TCAIM: variants seen among roughly 807,000 people sequenced by gnomAD.
The protein encoded by TCAIM is T-cell activation inhibitor, mitochondrial.
TCAIM carries 36 observed loss-of-function variants against 58.6 expected under a neutral mutation model. The observed-to-expected ratio is 0.61, with a 90% CI of 0.47 to 0.81. The LOEUF (loss-of-function observed/expected upper bound fraction) is 0.81. TCAIM is among the 30% of genes least tolerant of loss of function. The pLI is 0.00. For missense variants in TCAIM, 466 were observed against 579.6 expected (o/e 0.80, Z 2.01); for synonymous variants, 172 against 193.6 (o/e 0.89, Z 0.93).
chr3:44,366,978 T>C (rs546662573), intron 4 of TCAIM, among the ~76,000 whole-genome samples: 6 of 152,310 alleles, frequency 3.9e-5, no homozygotes, highest in African/African-American at 7.2e-5. Context: ...CCTTCAATCA[T>C]AGAGAAAATT....
intron 8 of TCAIM, 93 bp from the exon 9 acceptor site, chr3:44,400,261 TA>T: frequency 1.0e-6 from 1 of 972,750 alleles, no homozygotes; most frequent in Non-Finnish European, 1.5e-6. Flanking sequence ...ATTTTCTTGT[TA>T]AAAATGTCTT....
intron 5 of TCAIM, among the ~76,000 whole-genome samples, chr3:44,392,362 T>C (rs1701851747): frequency 6.6e-6 from 1 of 152,206 alleles, no homozygotes; most frequent in East Asian, 1.9e-4. Context: ...GGGTTACATG[T>C]GTAGGTTTGT....
chr3:44,375,368 G>T (rs1430217816), intron 5 of TCAIM, among the ~76,000 whole-genome samples: 1 of 152,128 alleles, frequency 6.6e-6, no homozygotes, highest in Non-Finnish European at 1.5e-5. Flanking sequence ...TCCCCTCATG[G>T]TAGAAGGGAA....
In TCAIM at chr3:44,398,991, G is replaced by C. The variant is rs867022064; in HGVS notation, c.886-1364G>C. Among the ~76,000 whole-genome samples the C allele has an allele frequency of 5.9e-5, 9 of 152,344 alleles. 1 individual carries two copies. In the South Asian group the frequency reaches 1.9e-3, roughly 32 times the overall value. ...AATAAAATGATAGAAAGGAAGGAAA[G>C]ATTAGTGGTTGCCAGGAAGTAGAGA... On this transcript the variant is annotated intron_variant, in intron 8 of 10. Coordinates refer to ENST00000342649, the MANE Select transcript of TCAIM (RefSeq NM_173826.4).
chr3:44,381,188 T>C (rs796209378), intron 5 of TCAIM, among the ~76,000 whole-genome samples: 12 of 152,286 alleles, frequency 7.9e-5, no homozygotes, highest in African/African-American at 2.9e-4. Flanking sequence ...CAGTGTGCTT[T>C]ATGAACATTA....
intron 4 of TCAIM, among the ~76,000 whole-genome samples, chr3:44,366,688 G>C (rs1271401259): frequency 6.6e-6 from 1 of 150,684 alleles, no homozygotes; most frequent in Non-Finnish European, 1.5e-5. Context: ...GGATAGTCTC[G>C]ATCTCCTGAC....
In TCAIM at chr3:44,372,853, C is replaced by T. The variant is rs866103361; in HGVS notation, c.572+5145C>T. The stretch of plus-strand genomic sequence containing the variant: ...TCATGATCCACCCGTCTTGGCCTCC[C>T]AAAGCACTGGGATTACAGGTGTGAG... On this transcript the variant is annotated intron_variant, in intron 5 of 10. Transcript: ENST00000342649. Among the ~76,000 whole-genome samples the T allele has an allele frequency of 9.9e-5, 15 of 152,240 alleles. No individual in the cohort carries two copies. In the South Asian group the frequency reaches 2.3e-3, roughly 23 times the overall value.
At position 44,407,520 on chromosome 3, in the gene TCAIM, C is replaced by T; in HGVS notation, c.1329C>T (p.Ser443=). 6.2e-7 allele frequency: 1 copy of T among 1,613,540 alleles called. No homozygotes were observed. Among genetic ancestry groups the T allele is most frequent in the Non-Finnish European group, 8.5e-7 (1 of 1,179,800 alleles). ...TGGAGAAGTTATATAAAGAGCCCAG[C>T]ATTTCTAGTATACAAATGGTGGATT... is the stretch of plus-strand genomic sequence containing the variant. ...FSLEKLYKEP[S]ISSIQMVDCC... is the part of the protein sequence containing the mutation. The change falls in exon 11 of 11, where the codon AGC becomes AGT. Residue 443 remains serine (S), a synonymous_variant. Coordinates refer to ENST00000342649, the MANE Select transcript of TCAIM (RefSeq NM_173826.4).
At chr3:44,348,107 G>T (rs1281003680) in intron 1 of TCAIM, among the ~76,000 whole-genome samples, 1 of 148,964 alleles carries the variant, frequency 6.7e-6, no homozygotes, top group Non-Finnish European at 1.5e-5. Flanking sequence ...AAGCCTGGCC[G>T]TCAATACCCA....
intron 4 of TCAIM, among the ~76,000 whole-genome samples, chr3:44,364,565 A>G (rs1426525340): frequency 2.6e-5 from 4 of 152,032 alleles, no homozygotes; most frequent in Admixed American, 1.3e-4. Context: ...ACATAGCAAA[A>G]CCCCGTCTCT....
Position 44,407,519 on chromosome 3 carries a change from G to C in TCAIM, c.1328G>C (p.Ser443Thr), listed in dbSNP as rs1372766401. 1 of 1,613,442 alleles carries C rather than the reference G, an allele frequency of 6.2e-7. No individual in the cohort carries two copies. Among genetic ancestry groups the C allele is most frequent in the East Asian group, 2.2e-5 (1 of 44,830 alleles). The part of the protein sequence containing the change: ...FSLEKLYKEP[S>T]ISSIQMVDCC... ...TTGGAGAAGTTATATAAAGAGCCCA[G>C]CATTTCTAGTATACAAATGGTGGAT... The change falls in exon 11 of 11, where the codon AGC (serine) becomes ACC (threonine). Residue 443 changes from serine to threonine, a missense_variant. Coordinates refer to ENST00000342649, the MANE Select transcript of TCAIM (RefSeq NM_173826.4).
chr3:44,403,250 C>T (rs1360964477), intron 10 of TCAIM, among the ~76,000 whole-genome samples: 1 of 152,174 alleles, frequency 6.6e-6, no homozygotes, highest in South Asian at 2.1e-4. Flanking sequence ...GCCTGGGCAA[C>T]AGAGCGAGAC....
intron 5 of TCAIM, among the ~76,000 whole-genome samples, chr3:44,380,190 G>GA (rs1221958722): frequency 2.0e-5 from 3 of 152,012 alleles, no homozygotes; most frequent in East Asian, 1.9e-4. Context: ...CAGTTTGATA[G>GA]AAAAAAATAA....
At chr3:44,343,612 C>T (rs892275354) in intron 1 of TCAIM, among the ~76,000 whole-genome samples, 1 of 152,164 alleles carries the variant, frequency 6.6e-6, no homozygotes, top group Non-Finnish European at 1.5e-5. Context: ...TTCAAGTGCA[C>T]AGTAGCTACA....
At chr3:44,362,243 T>C (rs1278302413) in intron 4 of TCAIM, among the ~76,000 whole-genome samples, 1 of 152,168 alleles carries the variant, frequency 6.6e-6, no homozygotes, top group Admixed American at 6.5e-5. Context: ...GTTATAAAAC[T>C]CAGAATTTGA....
chr3:44,402,303 A>G (rs1411852370), intron 10 of TCAIM, among the ~76,000 whole-genome samples: 2 of 151,642 alleles, frequency 1.3e-5, no homozygotes, highest in South Asian at 2.1e-4. Flanking sequence ...CCAGCTACTC[A>G]GGAGGCTGAG....
At chr3:44,350,334 C>T (rs1701061800) in intron 1 of TCAIM, among the ~76,000 whole-genome samples, 1 of 152,128 alleles carries the variant, frequency 6.6e-6, no homozygotes, top group South Asian at 2.1e-4. Flanking sequence ...TTTTGTGATT[C>T]TTCAGTTACT....
intron 5 of TCAIM, among the ~76,000 whole-genome samples, chr3:44,368,820 C>T (rs1216647076): frequency 6.6e-6 from 1 of 152,102 alleles, no homozygotes. Flanking sequence ...GTCAGGAGTT[C>T]AAAACCAGCC....
chr3:44,346,073 A>C (rs1162752883), intron 1 of TCAIM, among the ~76,000 whole-genome samples: 1 of 152,198 alleles, frequency 6.6e-6, no homozygotes, highest in African/African-American at 2.4e-5. Context: ...CGTCCCGAGG[A>C]CAGGCCCGAA....
Sources: gnomAD v4.1 joint callset for allele counts (sites outside exome capture counted in the v4.1 genomes callset) on GRCh38, gnomAD v4.1.1 for gene constraint, MANE v1.5 for transcripts, NCBI Gene and HGNC (gene_info 2026-07-23, HGNC 2026-07-21) for gene names.